The following MYLIP variants were observed in gnomAD, a reference collection of about 807,000 sequenced individuals.
MYLIP encodes E3 ubiquitin-protein ligase MYLIP.
MYLIP carries 26 observed loss-of-function variants against 45.8 expected under a neutral mutation model. The ratio of observed to expected loss-of-function variants is 0.57; its 90% CI spans 0.42 to 0.79. The LOEUF (loss-of-function observed/expected upper bound fraction) is 0.79, where lower values mean the gene tolerates loss of function less well. Among genes scored for constraint, MYLIP ranks in the 30% least tolerant of loss-of-function variants. MYLIP has a pLI of 0.00. For missense variants in MYLIP, 494 were observed against 555.6 expected (o/e 0.89, Z 1.11); for synonymous variants, 213 against 218.1 (o/e 0.98, Z 0.21).
chr6:16,156,047 T>C, the MYLIP span, among the ~76,000 whole-genome samples: 1 of 152,150 alleles, frequency 6.6e-6, no homozygotes, highest in East Asian at 1.9e-4. Context: ...GGGGATGGAG[T>C]GGGAAGCTAT....
intron 2 of MYLIP, among the ~76,000 whole-genome samples, chr6:16,132,339 C>G: frequency 6.6e-6 from 1 of 152,116 alleles, no homozygotes; most frequent in East Asian, 1.9e-4. Context: ...CAATTTTATT[C>G]ATGTAAGAAA....
At chr6:16,160,368 C>A in the MYLIP span, among the ~76,000 whole-genome samples, 1 of 152,168 alleles carries the variant, frequency 6.6e-6, no homozygotes, top group South Asian at 2.1e-4. Context: ...TTATTTTATT[C>A]AGCCTCCTTT....
chr6:16,160,660 G>C, the MYLIP span, among the ~76,000 whole-genome samples: 1 of 152,124 alleles, frequency 6.6e-6, no homozygotes, highest in Non-Finnish European at 1.5e-5. Flanking sequence ...AAATTAGTCA[G>C]GCATGGTAGC....
chr6:16,142,307 A>G (rs1759690399), intron 3 of MYLIP, among the ~76,000 whole-genome samples: 1 of 152,242 alleles, frequency 6.6e-6, no homozygotes, highest in Admixed American at 6.5e-5. Flanking sequence ...GCTATATAAA[A>G]TGGGAATTTT....
chr6:16,139,407 A>G (rs1759620588), intron 2 of MYLIP, among the ~76,000 whole-genome samples: 1 of 151,474 alleles, frequency 6.6e-6, no homozygotes, highest in Non-Finnish European at 1.5e-5. Context: ...AAAAAAGGCC[A>G]CTTTTACATA....
intron 4 of MYLIP, 88 bp from the exon 5 acceptor site, chr6:16,143,611 A>G (rs975465422): frequency 9.9e-6 from 14 of 1,410,166 alleles, no homozygotes; most frequent in East Asian, 2.3e-5. Flanking sequence ...CTGCTAGGTC[A>G]TGAGCAAATG....
chr6:16,133,423 A>T (rs190825868), intron 2 of MYLIP, among the ~76,000 whole-genome samples: 126 of 152,320 alleles, frequency 8.3e-4, no homozygotes, highest in Admixed American at 1.8e-3. Flanking sequence ...TTCTATCTAG[A>T]TTATGCTTTG....
chr6:16,146,429 A>T (rs1173406857), intron 6 of MYLIP, among the ~76,000 whole-genome samples: 2 of 152,244 alleles, frequency 1.3e-5, no homozygotes, highest in African/African-American at 4.8e-5. Flanking sequence ...TAAAAATGTA[A>T]TTAATTTCCT....
chr6:16,130,279 C>A (rs1759431908), intron 1 of MYLIP, among the ~76,000 whole-genome samples: 1 of 152,108 alleles, frequency 6.6e-6, no homozygotes, highest in African/African-American at 2.4e-5. Flanking sequence ...CCTGTAGTTT[C>A]CCCTCCTCAT....
downstream of MYLIP, among the ~76,000 whole-genome samples, chr6:16,150,910 G>T (rs998454777): frequency 5.9e-5 from 9 of 152,190 alleles, no homozygotes; most frequent in African/African-American, 2.2e-4. Flanking sequence ...GTTCTGGGGG[G>T]AAGTGTCCCC....
the MYLIP span, among the ~76,000 whole-genome samples, chr6:16,153,975 C>T: frequency 6.6e-6 from 1 of 152,080 alleles, no homozygotes; most frequent in East Asian, 1.9e-4. Context: ...TAAATCCCTC[C>T]CAGCACCCTC....
the MYLIP span, among the ~76,000 whole-genome samples, chr6:16,157,015 T>C: frequency 2.6e-5 from 4 of 152,210 alleles, no homozygotes; most frequent in Non-Finnish European, 4.4e-5. Context: ...TAAAAATCTT[T>C]CTTCACTTAA....
At chr6:16,162,233 C>T in the MYLIP span, among the ~76,000 whole-genome samples, 2 of 152,144 alleles carry the variant, frequency 1.3e-5, no homozygotes, top group Admixed American at 6.5e-5. Context: ...TGGGAAAATG[C>T]TATATTAATA....
At chr6:16,146,614 C>G in intron 6 of MYLIP, 48 bp from the exon 7 acceptor site, 3 of 1,489,438 alleles carry the variant, frequency 2.0e-6, no homozygotes, top group Non-Finnish European at 2.8e-6. Flanking sequence ...CACAGGCCCC[C>G]CACCGAGGCT....
At chr6:16,146,488 T>C (rs1249590281) in intron 6 of MYLIP, among the ~76,000 whole-genome samples, 174 bp from the exon 7 acceptor site, 1 of 152,230 alleles carries the variant, frequency 6.6e-6, no homozygotes, top group Non-Finnish European at 1.5e-5. Context: ...TTGTAAAGTA[T>C]AAACTTTCAA....
At chr6:16,145,358 T>TA (rs1759768780) in intron 6 of MYLIP, 41 bp downstream of exon 6, 4 of 1,537,690 alleles carry the variant, frequency 2.6e-6, no homozygotes, top group Non-Finnish European at 3.5e-6. Flanking sequence ...CAGCCTCACC[T>TA]ATCCCTCCTC....
chr6:16,140,898 T>C lies in MYLIP; in HGVS notation c.279-727T>C, dbSNP rs572497730. Among the ~76,000 whole-genome samples, 9 of 152,322 alleles carry C rather than the reference T, an allele frequency of 5.9e-5. No individual in the cohort carries two copies. In the South Asian group the frequency reaches 1.9e-3, roughly 32 times the overall value. ...GAAGGTAGGCTGCCTGCATGGAGTC[T>C]GGAGGAGGAGAGCAGCGCAGAGAAT... On this transcript the variant is annotated intron_variant, in intron 2 of 6. Transcript: ENST00000356840.
chr6:16,162,785 TAAAAAAAAA>T, the MYLIP span, among the ~76,000 whole-genome samples: 13 of 69,618 alleles, frequency 1.9e-4, no homozygotes, highest in African/African-American at 1.1e-3. Context: ...ACCTCAACTC[TAAAAAAAAA>T]AAAAAAAAAA....
intron 2 of MYLIP, among the ~76,000 whole-genome samples, chr6:16,135,447 CTT>C (rs1759530501): frequency 6.6e-6 from 1 of 152,154 alleles, no homozygotes. Context: ...AGCAGGAACA[CTT>C]TCATCAGTGA....
Sources: gnomAD v4.1 joint callset for allele counts (sites outside exome capture counted in the v4.1 genomes callset) on GRCh38, gnomAD v4.1.1 for gene constraint, MANE v1.5 for transcripts, NCBI Gene and HGNC (gene_info 2026-07-23, HGNC 2026-07-21) for gene names.